The following CDK14 variants were observed in gnomAD, a reference collection of about 807,000 sequenced individuals.
CDK14 encodes the protein cyclin dependent kinase 14, also known as cyclin-dependent kinase 14.
CDK14 carries 34 observed loss-of-function variants against 60.7 expected under a neutral mutation model. The ratio of observed to expected loss-of-function variants is 0.56; its 90% CI spans 0.43 to 0.75. The LOEUF (loss-of-function observed/expected upper bound fraction) is 0.75. CDK14 is among the 30% of genes least tolerant of loss of function. CDK14 has a pLI of 0.00. For synonymous variants in CDK14, 197 were observed against 203.7 expected, an observed-to-expected ratio of 0.97 and a Z score of 0.28; for missense variants, 482 against 564.1, an observed-to-expected ratio of 0.85 and a Z score of 1.47.
intron 7 of CDK14, among the ~76,000 whole-genome samples, chr7:90,908,721 C>G (rs931628693): frequency 6.6e-6 from 1 of 152,128 alleles, no homozygotes; most frequent in African/African-American, 2.4e-5. Flanking sequence ...CAGTACAGCT[C>G]TAGGTATTTT....
At position 90,649,244 on chromosome 7, in the gene CDK14, C is replaced by CTTTCTTTCTTTCTTTCTTTG. The variant is rs1800536836; in HGVS notation, c.123+45014_123+45015insGTTTCTTTCTTTCTTTCTTT. 1.1e-4 allele frequency among the ~76,000 whole-genome samples: 3 copies of CTTTCTTTCTTTCTTTCTTTG among 26,652 alleles called. No individual in the cohort carries two copies. In the South Asian group the frequency reaches 4.3e-3, roughly 39 times the overall value. The allele number at this position is 26,652 out of a possible 152,430, so 17.5% of individuals were successfully genotyped here. On this transcript the variant is annotated intron_variant, in intron 2 of 14. Coordinates refer to ENST00000380050, the MANE Select transcript of CDK14 (RefSeq NM_001287135.2). ...AACAGCTCTAGCCTATAGTTTCTTTCTTTCTTTCTTTCTTTCTTTCTTTCT... is the reference window on the plus strand; with the variant it reads ...AACAGCTCTAGCCTATAGTTTCTTTCTTTCTTTCTTTCTTTCTTTGTTTCTTTCTTTCTTTCTTTCTTTCT...
intron 10 of CDK14, among the ~76,000 whole-genome samples, chr7:91,036,646 G>A (rs1796942864): frequency 6.6e-6 from 1 of 151,858 alleles, no homozygotes; most frequent in African/African-American, 2.4e-5. Context: ...TTAATAATTA[G>A]TAACTACATT....
chr7:91,054,088 ATTTTTTTTT>A (rs10675646), intron 11 of CDK14, among the ~76,000 whole-genome samples: 1 of 112,972 alleles, frequency 8.9e-6, no homozygotes, highest in Non-Finnish European at 1.7e-5. Flanking sequence ...CTGCAAAATA[ATTTTTTTTT>A]TTTTTTTTTT....
chr7:90,655,682 G>T (rs1800737321), intron 2 of CDK14, among the ~76,000 whole-genome samples: 1 of 152,138 alleles, frequency 6.6e-6, no homozygotes, highest in African/African-American at 2.4e-5. Flanking sequence ...CATTACAAAT[G>T]CATATCTAGA....
chr7:90,927,708 G>A (rs1222751542), intron 8 of CDK14, among the ~76,000 whole-genome samples: 1 of 152,094 alleles, frequency 6.6e-6, no homozygotes, highest in Non-Finnish European at 1.5e-5. Flanking sequence ...TGCTCTTCTC[G>A]AGGAGTATCT....
intron 14 of CDK14, among the ~76,000 whole-genome samples, chr7:91,146,375 A>G (rs1180223803): frequency 1.3e-5 from 2 of 152,046 alleles, no homozygotes; most frequent in African/African-American, 4.8e-5. Flanking sequence ...TAATTTTTGT[A>G]TTTTTAGTAG....
chr7:90,664,411 C>G (rs1181376960), intron 2 of CDK14, among the ~76,000 whole-genome samples: 2 of 152,110 alleles, frequency 1.3e-5, no homozygotes, highest in Non-Finnish European at 2.9e-5. Flanking sequence ...ACTAGAAATA[C>G]CATTTGACCC....
At chr7:91,076,088 T>C (rs930603662) in intron 11 of CDK14, among the ~76,000 whole-genome samples, 4 of 151,474 alleles carry the variant, frequency 2.6e-5, no homozygotes, top group Non-Finnish European at 4.4e-5. Context: ...AAGCTATCAT[T>C]GACATTCCTC....
intron 2 of CDK14, chr7:90,632,688 T>C (rs1563022763): frequency 6.6e-6 from 1 of 152,338 alleles, no homozygotes; most frequent in Non-Finnish European, 1.5e-5. Context: ...ATTTTTCCAC[T>C]TAAAAGCTTT....
chr7:91,147,507 C>T (rs1411632590), intron 14 of CDK14, among the ~76,000 whole-genome samples: 3 of 152,122 alleles, frequency 2.0e-5, no homozygotes, highest in African/African-American at 7.2e-5. Context: ...AGAACCTTGT[C>T]AAGGGCTTTC....
At chr7:90,822,195 G>A (rs1413459914) in intron 5 of CDK14, among the ~76,000 whole-genome samples, 2 of 152,188 alleles carry the variant, frequency 1.3e-5, no homozygotes, top group East Asian at 3.9e-4. Context: ...TCATAGTAGT[G>A]AATCAATGAC....
intron 6 of CDK14, among the ~76,000 whole-genome samples, chr7:90,865,592 G>C (rs1036282845): frequency 6.6e-6 from 1 of 152,152 alleles, no homozygotes; most frequent in Non-Finnish European, 1.5e-5. Flanking sequence ...AATTAGAGCA[G>C]ATATTAGTGA....
chr7:90,869,021 A>G (rs1353403101), intron 6 of CDK14, among the ~76,000 whole-genome samples: 1 of 152,206 alleles, frequency 6.6e-6, no homozygotes, highest in Admixed American at 6.5e-5. Flanking sequence ...TGTCTTTTCA[A>G]CTTGCTACAG....
At chr7:90,677,570 C>G (rs1801227730) in intron 2 of CDK14, among the ~76,000 whole-genome samples, 1 of 151,982 alleles carries the variant, frequency 6.6e-6, no homozygotes, top group Non-Finnish European at 1.5e-5. Context: ...TGTGTATTCA[C>G]TAAAGGAAGA....
At chr7:90,820,542 C>A (rs1262306142) in intron 5 of CDK14, among the ~76,000 whole-genome samples, 1 of 152,184 alleles carries the variant, frequency 6.6e-6, no homozygotes, top group Non-Finnish European at 1.5e-5. Context: ...CCTTTCTTCT[C>A]CTTCACCTTC....
chr7:91,017,509 T>A (rs1452138954), intron 10 of CDK14, among the ~76,000 whole-genome samples: 1 of 152,230 alleles, frequency 6.6e-6, no homozygotes, highest in African/African-American at 2.4e-5. Flanking sequence ...AGATGAACTC[T>A]TTTAAAACAA....
intron 10 of CDK14, among the ~76,000 whole-genome samples, chr7:91,039,592 A>G (rs571516671): frequency 1.6e-4 from 24 of 152,280 alleles, no homozygotes; most frequent in African/African-American, 5.3e-4. Context: ...TCTAGAAGTT[A>G]TCTACATAGA....
At chr7:91,005,869 T>G (rs1795967756) in intron 10 of CDK14, among the ~76,000 whole-genome samples, 1 of 152,200 alleles carries the variant, frequency 6.6e-6, no homozygotes, top group African/African-American at 2.4e-5. Context: ...AGGCAAATAG[T>G]GGTATTTTTA....
chr7:91,032,653 G>C (rs1796794495), intron 10 of CDK14, among the ~76,000 whole-genome samples: 1 of 152,104 alleles, frequency 6.6e-6, no homozygotes, highest in Non-Finnish European at 1.5e-5. Flanking sequence ...GCTGGAGGAG[G>C]CAAGAAACTG....
Sources: gnomAD v4.1 joint callset for allele counts (sites outside exome capture counted in the v4.1 genomes callset) on GRCh38, gnomAD v4.1.1 for gene constraint, MANE v1.5 for transcripts, NCBI Gene and HGNC (gene_info 2026-07-23, HGNC 2026-07-21) for gene names.